The following PLXNA4 variants were observed in gnomAD, a reference collection of about 807,000 sequenced individuals.
The protein encoded by PLXNA4 is plexin-A4.
Under a neutral mutation model 191.8 loss-of-function variants are expected in PLXNA4, and 44 were observed. The observed-to-expected ratio is 0.23, with a 90% CI of 0.18 to 0.29. PLXNA4 has a LOEUF of 0.29. Among genes scored for constraint, PLXNA4 ranks in the 10% least tolerant of loss-of-function variants. The pLI is 1.00. For synonymous variants in PLXNA4, 1,082 were observed against 1,009.5 expected (o/e 1.07, Z -1.36); for missense variants, 1,800 against 2,488.8 (o/e 0.72, Z 5.89).
chr7:132,373,341 A>G (rs1052062125), intron 3 of PLXNA4, among the ~76,000 whole-genome samples: 3 of 152,146 alleles, frequency 2.0e-5, no homozygotes, highest in Non-Finnish European at 4.4e-5. Context: ...AGTCAAGAGG[A>G]AGGGAAGGAA....
intron 2 of PLXNA4, among the ~76,000 whole-genome samples, chr7:132,627,605 C>T (rs542457694): frequency 3.3e-5 from 5 of 152,286 alleles, no homozygotes; most frequent in South Asian, 4.1e-4. Context: ...GATTAGGTCA[C>T]GAGGGCTCCA....
In PLXNA4 at chr7:132,181,993, G is replaced by A. The variant is rs1007571721; in HGVS notation, c.3252+104C>T. On this transcript the variant is annotated intron_variant, in intron 17 of 31. Transcript: ENST00000321063. ...GGGTGTCAGGCTGTGGGTTATCAGT[G>A]TATGGGCAGGGAGTTACCTCAGTAC... 3.2e-6 allele frequency: 5 copies of A among 1,564,008 alleles called. No individual in the cohort carries two copies. The African/African-American group carries it at 4.1e-5, about 13-fold the overall frequency.
At chr7:132,458,016 C>G (rs558343133) in intron 3 of PLXNA4, among the ~76,000 whole-genome samples, 2 of 152,264 alleles carry the variant, frequency 1.3e-5, no homozygotes, top group South Asian at 2.1e-4. Flanking sequence ...TTTGAAGCCA[C>G]CAAATTTGGG....
chr7:132,458,648 G>T (rs1796392328), intron 3 of PLXNA4, among the ~76,000 whole-genome samples: 1 of 151,744 alleles, frequency 6.6e-6, no homozygotes, highest in Non-Finnish European at 1.5e-5. Flanking sequence ...CAGGATGGTG[G>T]CTGTCCCTGG....
At chr7:132,361,456 A>G (rs779232821) in intron 3 of PLXNA4, among the ~76,000 whole-genome samples, 3 of 152,224 alleles carry the variant, frequency 2.0e-5, no homozygotes, top group Admixed American at 6.5e-5. Context: ...GGAAAGGGAC[A>G]ATCAAGTTTG....
Position 132,510,164 on chromosome 7 carries a change from T to C in PLXNA4, c.-86-1385A>G, listed in dbSNP as rs149515982. On this transcript the variant is annotated intron_variant, in intron 1 of 31. Coordinates refer to ENST00000321063, the MANE Select transcript of PLXNA4 (RefSeq NM_020911.2). ...GGGCAGGAATTGCCAACATCCTATC[T>C]GGGGGCATCTCAGCTCTGTGGAATT... is the stretch of plus-strand genomic sequence containing the variant. Among the ~76,000 whole-genome samples, 766 of 152,264 alleles carry C rather than the reference T, an allele frequency of 5.0e-3. 5 individuals carry two copies. The highest frequency in any genetic ancestry group is 0.018 in the African/African-American group (741 of 41,540).
intron 2 of PLXNA4, among the ~76,000 whole-genome samples, chr7:132,618,847 T>C (rs1803206874): frequency 6.6e-6 from 1 of 152,162 alleles, no homozygotes; most frequent in Admixed American, 6.6e-5. Context: ...TCCAAAAAGA[T>C]TACTGTGAAA....
At chr7:132,636,271 G>A (rs1803603896) in intron 2 of PLXNA4, among the ~76,000 whole-genome samples, 1 of 152,228 alleles carries the variant, frequency 6.6e-6, no homozygotes, top group East Asian at 1.9e-4. Context: ...CAGGGGCCTA[G>A]GAATTGGGGA....
At chr7:132,223,683 T>C (rs988864338) in intron 8 of PLXNA4, 42 bp from the exon 9 acceptor site, 2 of 1,537,100 alleles carry the variant, frequency 1.3e-6, no homozygotes, top group East Asian at 2.3e-5. Context: ...AGAACCTGGA[T>C]GAGCCCAAAG....
At chr7:132,633,358 A>C (rs904818912) in intron 2 of PLXNA4, among the ~76,000 whole-genome samples, 1 of 150,972 alleles carries the variant, frequency 6.6e-6, no homozygotes, top group Non-Finnish European at 1.5e-5. Context: ...TCTTGGCTCA[A>C]TGCAATCTCC....
At chr7:132,415,377 C>T (rs558373268) in intron 3 of PLXNA4, among the ~76,000 whole-genome samples, 6 of 152,218 alleles carry the variant, frequency 3.9e-5, no homozygotes, top group East Asian at 3.9e-4. Context: ...TATGTGTGTG[C>T]GAGACCAGGG....
chr7:132,148,537 C>T lies in PLXNA4; in HGVS notation c.4764+6G>A, dbSNP rs772387219. On this transcript the variant is annotated splice_donor_region_variant and intron_variant, in intron 26 of 31. Transcript: ENST00000321063. The stretch of plus-strand genomic sequence containing the variant: ...CTAGCTCCTCCCCTTTCCACATTCC[C>T]CTCACCTGGTAGTGGGCCAGTGTGT... 1 of 1,614,096 alleles carries T rather than the reference C, an allele frequency of 6.2e-7. No homozygotes were observed. The highest frequency in any genetic ancestry group is 8.5e-7 in the Non-Finnish European group (1 of 1,179,986).
intron 1 of PLXNA4, among the ~76,000 whole-genome samples, chr7:132,570,918 G>A (rs766134069): frequency 1.3e-4 from 20 of 152,166 alleles, no homozygotes; most frequent in Admixed American, 2.0e-4. Context: ...GTTTGCACAG[G>A]ACTTTACCTC....
intron 29 of PLXNA4, among the ~76,000 whole-genome samples, chr7:132,141,935 G>C (rs1795283106): frequency 6.6e-6 from 1 of 152,038 alleles, no homozygotes; most frequent in Admixed American, 6.6e-5. Flanking sequence ...TCATCATGTT[G>C]GCCAGGCTGA....
upstream of PLXNA4, among the ~76,000 whole-genome samples, chr7:132,577,525 G>A (rs1341799303): frequency 6.6e-6 from 1 of 151,792 alleles, no homozygotes; most frequent in African/African-American, 2.4e-5. Context: ...GAGAGCGGCC[G>A]GCAGAGGGGG....
At chr7:132,240,815 T>C (rs1352159337) in intron 5 of PLXNA4, among the ~76,000 whole-genome samples, 1 of 152,206 alleles carries the variant, frequency 6.6e-6, no homozygotes, top group Non-Finnish European at 1.5e-5. Context: ...ATGACAACTA[T>C]ATCCTGACCT....
intron 2 of PLXNA4, among the ~76,000 whole-genome samples, 164 bp from the exon 3 acceptor site, chr7:132,489,638 C>T (rs975788439): frequency 6.6e-6 from 1 of 152,128 alleles, no homozygotes; most frequent in Admixed American, 6.5e-5. Context: ...ACTAGGTGAC[C>T]TGTGAAGAGT....
chr7:132,282,259 G>A (rs1318277352), intron 4 of PLXNA4, among the ~76,000 whole-genome samples: 6 of 151,994 alleles, frequency 3.9e-5, no homozygotes, highest in African/African-American at 9.7e-5. Context: ...CCACTAACTC[G>A]TCATCTAGCA....
intron 3 of PLXNA4, among the ~76,000 whole-genome samples, chr7:132,471,697 A>C (rs561877487): frequency 2.0e-4 from 30 of 152,308 alleles, no homozygotes; most frequent in Admixed American, 1.4e-3. Context: ...TGTCAGAAGG[A>C]TAGACCACAG....
Sources: gnomAD v4.1 joint callset for allele counts (sites outside exome capture counted in the v4.1 genomes callset) on GRCh38, gnomAD v4.1.1 for gene constraint, MANE v1.5 for transcripts, NCBI Gene and HGNC (gene_info 2026-07-23, HGNC 2026-07-21) for gene names.